The following ZSCAN31 variants were observed in gnomAD, a reference collection of about 807,000 sequenced individuals.
The protein encoded by ZSCAN31 is zinc finger and SCAN domain containing 31, also known as zinc finger and SCAN domain-containing protein 31.
A neutral mutation model predicts 22.5 loss-of-function variants in ZSCAN31; 14 were observed. That is an observed-to-expected ratio of 0.62 (90% CI 0.41 to 0.97). The LOEUF (loss-of-function observed/expected upper bound fraction) is 0.97, where lower values mean the gene tolerates loss of function less well. Ranked by LOEUF, ZSCAN31 falls within the 50% of genes least tolerant of loss-of-function variation. The pLI is 0.00. For synonymous variants in ZSCAN31, 168 were observed against 169.8 expected (o/e 0.99, Z 0.08); for missense variants, 424 against 483.4 (o/e 0.88, Z 1.15).
In ZSCAN31 at chr6:28,333,847, A is replaced by G. The variant is rs1763942308; in HGVS notation, c.-96+2235T>C. 1.3e-5 allele frequency among the ~76,000 whole-genome samples: 2 copies of G among 152,234 alleles called. No homozygotes were observed. The highest frequency in any genetic ancestry group is 4.8e-5 in the African/African-American group (2 of 41,470). On this transcript the variant is annotated intron_variant, in intron 1 of 3. Coordinates refer to ENST00000344279, the MANE Select transcript of ZSCAN31 (RefSeq NM_030899.5). This position sits in a 1 kb window ranked among gnomAD's most constrained non-coding sequence, Gnocchi z 4.1. ...CAATGAGAAACCACTGAAGGCTTTA[A>G]GAAAGGGAGTGACAAGGCTGAATTC...
intron 1 of ZSCAN31, among the ~76,000 whole-genome samples, chr6:28,330,877 A>G (rs1420983775): frequency 1.3e-5 from 2 of 152,228 alleles, no homozygotes; most frequent in Non-Finnish European, 2.9e-5. Flanking sequence ...AGTACACTTG[A>G]ATTAGACTAA....
rs1258815475 is a variant in ZSCAN31 at position 28,347,565 on chromosome 6, T to C, written c.-370-5773A>G. Reference sequence around the variant, plus strand: ...ATTTATTTATTCTGCTTAATTCTTTTGTTTGTTTTTGTTTATTATTATTAT... The same window carrying C: ...ATTTATTTATTCTGCTTAATTCTTTCGTTTGTTTTTGTTTATTATTATTAT... On this transcript the variant is annotated intron_variant, in intron 2 of 7. Coordinates refer to the ZSCAN31 transcript ENST00000396838. This position sits in a 1 kb window ranked among gnomAD's most constrained non-coding sequence, Gnocchi z 5.2. Among the ~76,000 whole-genome samples, 1 of 152,202 alleles carries C rather than the reference T, an allele frequency of 6.6e-6. No homozygotes were observed. Among genetic ancestry groups the C allele is most frequent in the Non-Finnish European group, 1.5e-5 (1 of 68,034 alleles).
chr6:28,344,731 T>C (rs1764564011), intron 2 of ZSCAN31, among the ~76,000 whole-genome samples: 1 of 152,212 alleles, frequency 6.6e-6, no homozygotes, highest in Non-Finnish European at 1.5e-5. Context: ...TTTTGAATGG[T>C]ACACCTAGTT....
intron 2 of ZSCAN31, among the ~76,000 whole-genome samples, chr6:28,345,136 CT>C (rs772880405): frequency 2.4e-5 from 3 of 125,032 alleles, no homozygotes; most frequent in Admixed American, 8.7e-5. Context: ...CGCAGTGAAA[CT>C]GTGTCTCAAA....
intron 2 of ZSCAN31, among the ~76,000 whole-genome samples, chr6:28,342,150 AG>A (rs1328573867): frequency 6.6e-6 from 1 of 152,232 alleles, no homozygotes; most frequent in East Asian, 1.9e-4. Context: ...GCTGAGGATC[AG>A]GCCTGGGGCT....
rs201766132 is a variant in ZSCAN31 at position 28,326,533 on chromosome 6, T to G, written c.854A>C (p.His285Pro). ...AFSRRSSLNE[H>P]RRSHTGEKPY... ...TTTCTCTCCAGTGTGGCTCCGCCGA[T>G]GTTCATTCAGGCTTGACCTCCGGCT... is the stretch of plus-strand genomic sequence containing the variant. Residue 285 changes from histidine to proline, a missense_variant, in exon 4 of 4, where the codon CAT becomes CCT. Physicochemically the swap from His to Pro is moderately conservative, Grantham distance 77. Transcript: ENST00000344279. The G allele has an allele frequency of 6.2e-7, 1 of 1,614,250 alleles. No homozygotes were observed. The highest frequency in any genetic ancestry group is 1.3e-5 in the African/African-American group (1 of 75,070).
upstream of ZSCAN31, among the ~76,000 whole-genome samples, chr6:28,341,134 T>G (rs1764395042): frequency 6.6e-6 from 1 of 152,202 alleles, no homozygotes; most frequent in Admixed American, 6.5e-5. Context: ...TGGATCAATA[T>G]ATCCTTATGA....
intron 1 of ZSCAN31, among the ~76,000 whole-genome samples, chr6:28,332,706 A>G (rs998550600): frequency 6.6e-6 from 1 of 152,228 alleles, no homozygotes; most frequent in African/African-American, 2.4e-5. Context: ...TAGTCAGTAG[A>G]CAGTTGAAAA....
In ZSCAN31 at chr6:28,329,401, G is replaced by A. The variant is rs762132550; in HGVS notation, c.283C>T (p.Leu95Phe). Residue 95 changes from leucine to phenylalanine, a missense_variant, in exon 2 of 4, where the codon CTC becomes TTC. Coordinates refer to ENST00000344279, the MANE Select transcript of ZSCAN31 (RefSeq NM_030899.5). ...TGGTGCTCCCGCACCCAGGCCTGGA[G>A]CTCCTCAGGCAGGATAGTCAGGAAT... The part of the protein sequence containing the change: ...EQFLTILPEE[L>F]QAWVREHHPE... 2.5e-6 allele frequency: 4 copies of A among 1,614,084 alleles called. No individual in the cohort carries two copies. Among genetic ancestry groups the A allele is most frequent in the African/African-American group, 2.7e-5 (2 of 74,936 alleles).
chr6:28,353,831 T>C (rs1765228965), intron 2 of ZSCAN31: 1 of 457,110 alleles, frequency 2.2e-6, no homozygotes, highest in Middle Eastern at 3.3e-4. Context: ...CAGTGAATTA[T>C]ACTATTAGCC....
At position 28,329,395 on chromosome 6, in the gene ZSCAN31, C is replaced by T. The variant is rs774774868; in HGVS notation, c.289G>A (p.Ala97Thr). ...FLTILPEELQ[A>T]WVREHHPESG... ...TCCGGATGGTGCTCCCGCACCCAGG[C>T]CTGGAGCTCCTCAGGCAGGATAGTC... The change falls in exon 2 of 4, where the codon GCC becomes ACC. Residue 97 changes from alanine (A) to threonine (T), a missense_variant. By Grantham distance (58) the Ala-to-Thr change is moderately conservative (BLOSUM62 0). Coordinates refer to ENST00000344279, the MANE Select transcript of ZSCAN31 (RefSeq NM_030899.5). 6.2e-7 allele frequency: 1 copy of T among 1,614,126 alleles called. No homozygotes were observed. The highest frequency in any genetic ancestry group is 1.3e-5 in the African/African-American group (1 of 74,948).
At chr6:28,341,394 C>A (rs932540407) in intron 3 of ZSCAN31, among the ~76,000 whole-genome samples, 28 of 152,268 alleles carry the variant, frequency 1.8e-4, no homozygotes, top group African/African-American at 5.5e-4. Context: ...AGATATGGTG[C>A]CTTCTATGTG....
At chr6:28,334,875 T>C (rs916500840) in intron 1 of ZSCAN31, among the ~76,000 whole-genome samples, 8 of 152,210 alleles carry the variant, frequency 5.3e-5, no homozygotes, top group Non-Finnish European at 2.9e-5. Flanking sequence ...TGTGGTTATG[T>C]AGGGAAATGT....
intron 2 of ZSCAN31, among the ~76,000 whole-genome samples, chr6:28,352,191 G>A (rs1253983946): frequency 6.6e-6 from 1 of 152,084 alleles, no homozygotes; most frequent in Non-Finnish European, 1.5e-5. Flanking sequence ...GGATTTGGTC[G>A]ATTGCTTCTT....
rs1764852327 is a variant in ZSCAN31, at chr6:28,349,893, A to T, written c.-371+3969T>A. On this transcript the variant is annotated intron_variant, in intron 2 of 7. Coordinates refer to the ZSCAN31 transcript ENST00000396838. The surrounding 1 kb of genome is among the most constrained non-coding windows in gnomAD (Gnocchi z 4.1). ...TAGCAAACGACAGAGTCTGTCAGGG[A>T]GGTGGCTAGAGAGGCCCGGAAGTGG... 1 of 152,354 alleles carries T rather than the reference A, an allele frequency of 6.6e-6. No individual in the cohort carries two copies. Among genetic ancestry groups the T allele is most frequent in the African/African-American group, 2.4e-5 (1 of 41,582 alleles). The allele number at this position is 152,354 out of a possible 1,614,324, so 9.4% of individuals were successfully genotyped here.
chr6:28,326,597 C>G lies in ZSCAN31; in HGVS notation c.790G>C (p.Glu264Gln), dbSNP rs912027453. The change falls in exon 4 of 4, where the codon GAG becomes CAG. Residue 264 changes from glutamate (E) to glutamine (Q), a missense_variant. Physicochemically the swap from Glu to Gln is conservative, Grantham distance 29. Coordinates refer to ENST00000344279, the MANE Select transcript of ZSCAN31 (RefSeq NM_030899.5). ...CATTCTTCACATTCATATGGCTTCT[C>G]CCCAGTGTGGATTCTCTGGTGCTCA... ...LIEHQRIHTG[E>Q]KPYECEECGK... is the part of the protein sequence containing the mutation. The G allele has an allele frequency of 1.2e-6, 2 of 1,614,114 alleles. No individual in the cohort carries two copies. Among genetic ancestry groups the G allele is most frequent in the African/African-American group, 2.7e-5 (2 of 74,938 alleles).
At chr6:28,344,341 A>T (rs1764548247) in intron 2 of ZSCAN31, among the ~76,000 whole-genome samples, 1 of 152,240 alleles carries the variant, frequency 6.6e-6, no homozygotes, top group Non-Finnish European at 1.5e-5. Flanking sequence ...TATCAGATCC[A>T]CCAAGATATC....
upstream of ZSCAN31, chr6:28,336,275 T>C (rs1764160857): frequency 6.6e-6 from 1 of 152,108 alleles, no homozygotes; most frequent in African/African-American, 2.4e-5. Context: ...GGGCCAAAAA[T>C]CCCAGTCCCA....
Position 28,326,367 on chromosome 6 carries a change from C to A in ZSCAN31, c.1020G>T (p.Gln340His), listed in dbSNP as rs1418479285. 2.5e-6 allele frequency: 4 copies of A among 1,614,206 alleles called. No individual in the cohort carries two copies. The highest frequency in any genetic ancestry group is 1.6e-4 in the Middle Eastern group (1 of 6,062). Reference protein sequence around the residue: ...KAFLLSSCLVQHQRIHTGEKR... With the variant: ...KAFLLSSCLVHHQRIHTGEKR... Reference sequence around the variant, plus strand: ...TCTCTCCAGTGTGTATCCTCTGATGCTGAACAAGGCATGAGCTGAGGAGGA... The same window carrying A: ...TCTCTCCAGTGTGTATCCTCTGATGATGAACAAGGCATGAGCTGAGGAGGA... The change falls in exon 4 of 4, where the codon CAG becomes CAT. Residue 340 changes from glutamine (Q) to histidine (H), a missense_variant. Coordinates refer to ENST00000344279, the MANE Select transcript of ZSCAN31 (RefSeq NM_030899.5).
Sources: allele counts gnomAD v4.1 joint callset (sites outside exome capture counted in the v4.1 genomes callset), GRCh38; gene constraint gnomAD v4.1.1; non-coding constraint Gnocchi (gnomAD v3.1); transcripts MANE v1.5; gene names NCBI Gene and HGNC (gene_info 2026-07-23, HGNC 2026-07-21).